Variants in CDH4 observed in about 807,000 individuals in gnomAD.
The protein encoded by CDH4 is cadherin-4.
CDH4 carries 33 observed loss-of-function variants against 86.0 expected under a neutral mutation model. The observed-to-expected ratio is 0.38, with a 90% CI of 0.29 to 0.51. The LOEUF (loss-of-function observed/expected upper bound fraction) is 0.51, where lower values mean the gene tolerates loss of function less well. Among genes scored for constraint, CDH4 ranks in the 20% least tolerant of loss-of-function variants. The pLI, the probability that CDH4 is intolerant of heterozygous loss-of-function variation, is 0.86. For synonymous variants in CDH4, 555 were observed against 549.4 expected, an observed-to-expected ratio of 1.01 and a Z score of -0.14; for missense variants, 1,114 against 1,307.4, an observed-to-expected ratio of 0.85 and a Z score of 2.28.
chr20:61,664,386 G>C (rs957171322), intron 2 of CDH4, among the ~76,000 whole-genome samples: 1 of 152,204 alleles, frequency 6.6e-6, no homozygotes, highest in African/African-American at 2.4e-5. Context: ...GGAGTGGGGT[G>C]GGGGCAGAAA....
At chr20:61,477,839 G>C (rs1158999627) in intron 2 of CDH4, among the ~76,000 whole-genome samples, 1 of 152,180 alleles carries the variant, frequency 6.6e-6, no homozygotes, top group African/African-American at 2.4e-5. Context: ...TCCCGTTGCT[G>C]GGTGAATGCT....
chr20:61,317,535 A>G (rs1301882361), intron 2 of CDH4, among the ~76,000 whole-genome samples: 1 of 151,970 alleles, frequency 6.6e-6, no homozygotes, highest in Non-Finnish European at 1.5e-5. Flanking sequence ...GCCTGCATTC[A>G]CCATTGCTCC....
At chr20:61,936,425 C>CCG (rs1555864138) in intron 15 of CDH4, among the ~76,000 whole-genome samples, 1 of 52,412 alleles carries the variant, frequency 1.9e-5, no homozygotes, top group Admixed American at 1.7e-4. Context: ...CACACCCCCC[C>CCG]CCCCATCTGC....
At chr20:61,471,876 A>T (rs2085505796) in intron 2 of CDH4, among the ~76,000 whole-genome samples, 3 of 152,088 alleles carry the variant, frequency 2.0e-5, no homozygotes, top group African/African-American at 7.2e-5. Context: ...ACTTGATATT[A>T]TTTAAATTTT....
At chr20:61,689,622 C>G (rs1357958456) in intron 2 of CDH4, among the ~76,000 whole-genome samples, 1 of 144,464 alleles carries the variant, frequency 6.9e-6, no homozygotes, top group African/African-American at 2.6e-5. Flanking sequence ...TGGAATCAGG[C>G]TGGGACAGTG....
intron 3 of CDH4, among the ~76,000 whole-genome samples, chr20:61,748,193 C>A (rs534364646): frequency 1.3e-5 from 2 of 152,136 alleles, no homozygotes; most frequent in African/African-American, 4.8e-5. Context: ...AGTGCAGTGG[C>A]GCAATCTCAG....
intron 5 of CDH4, among the ~76,000 whole-genome samples, chr20:61,851,261 C>G (rs1189780645): frequency 6.6e-6 from 1 of 152,240 alleles, no homozygotes; most frequent in South Asian, 2.1e-4. Context: ...TACTACAGCA[C>G]AGATTGCCTC....
chr20:61,757,966 C>T (rs986666534), intron 3 of CDH4, among the ~76,000 whole-genome samples: 1 of 152,150 alleles, frequency 6.6e-6, no homozygotes, highest in Non-Finnish European at 1.5e-5. Flanking sequence ...TTCACGTGTC[C>T]CGGCACTGCT....
rs1981499880 is a variant in CDH4 at position 61,829,648 on chromosome 20, A to T, written c.577-15020A>T. On this transcript the variant is annotated intron_variant, in intron 4 of 15. Transcript: ENST00000614565. The surrounding 1 kb of genome is among the most constrained non-coding windows in gnomAD (Gnocchi z 4.2). ...GTGGGGGCTCCTCTGCCAAGCATTA[A>T]ATACGGACTCACCACTGGGGACGGA... Among the ~76,000 whole-genome samples the T allele has an allele frequency of 6.6e-6, 1 of 152,128 alleles. No homozygotes were observed. Among genetic ancestry groups the T allele is most frequent in the Admixed American group, 6.5e-5 (1 of 15,290 alleles).
chr20:61,734,966 CA>C (rs2088243115), intron 2 of CDH4, among the ~76,000 whole-genome samples: 1 of 151,888 alleles, frequency 6.6e-6, no homozygotes, highest in Non-Finnish European at 1.5e-5. Context: ...GGGCCTCGGG[CA>C]GGCGCCTGGT....
intron 2 of CDH4, among the ~76,000 whole-genome samples, chr20:61,332,560 C>T (rs2084588568): frequency 6.6e-6 from 1 of 152,220 alleles, no homozygotes; most frequent in Non-Finnish European, 1.5e-5. Context: ...CTTTCCTGCC[C>T]CACCCTGGGC....
intron 2 of CDH4, among the ~76,000 whole-genome samples, chr20:61,642,709 G>A (rs2145803984): frequency 1.3e-5 from 2 of 152,280 alleles, no homozygotes; most frequent in Middle Eastern, 6.8e-3. Context: ...AGTCTTACAG[G>A]GCTATAATCC....
At chr20:61,677,056 G>C (rs2087451926) in intron 2 of CDH4, among the ~76,000 whole-genome samples, 1 of 152,196 alleles carries the variant, frequency 6.6e-6, no homozygotes. Context: ...GTCCTTCGTA[G>C]GGCCTTGTCA....
intron 2 of CDH4, among the ~76,000 whole-genome samples, chr20:61,731,742 G>C (rs1487473686): frequency 6.6e-6 from 1 of 152,204 alleles, no homozygotes; most frequent in Non-Finnish European, 1.5e-5. Context: ...AGACGTGAGT[G>C]AGTGGCTCGT....
chr20:61,731,804 G>A (rs1359739276), intron 2 of CDH4, among the ~76,000 whole-genome samples: 5 of 152,102 alleles, frequency 3.3e-5, no homozygotes, highest in South Asian at 2.1e-4. Context: ...ACGGGGGTGC[G>A]GCTGTTCCTC....
intron 2 of CDH4, among the ~76,000 whole-genome samples, chr20:61,401,166 C>T (rs141509201): frequency 0.011 from 1,639 of 152,316 alleles, 31 homozygotes; most frequent in African/African-American, 0.038. Flanking sequence ...GGAGGCAGGG[C>T]CTACCCACTG....
At chr20:61,720,727 C>G (rs569049872) in intron 2 of CDH4, among the ~76,000 whole-genome samples, 111 of 152,152 alleles carry the variant, frequency 7.3e-4, no homozygotes, top group African/African-American at 2.6e-3. Context: ...ACACAGGCTC[C>G]TCCCTATTCA....
At chr20:61,875,900 C>T (rs1325050409) in intron 7 of CDH4, among the ~76,000 whole-genome samples, 1 of 151,658 alleles carries the variant, frequency 6.6e-6, no homozygotes, top group African/African-American at 2.4e-5. Flanking sequence ...CCCCGCCTGC[C>T]CTGGGGAGAG....
At chr20:61,278,978 A>G (rs1388906023) in intron 2 of CDH4, among the ~76,000 whole-genome samples, 4 of 152,188 alleles carry the variant, frequency 2.6e-5, no homozygotes, top group African/African-American at 9.7e-5. Context: ...CTGAAAGTGG[A>G]TGCATCTGCC....
Sources: allele counts gnomAD v4.1 joint callset (sites outside exome capture counted in the v4.1 genomes callset), GRCh38; gene constraint gnomAD v4.1.1; non-coding constraint Gnocchi (gnomAD v3.1); transcripts MANE v1.5; gene names NCBI Gene and HGNC (gene_info 2026-07-23, HGNC 2026-07-21).